Variants in SHISA6 observed in about 807,000 individuals in gnomAD.
SHISA6 encodes shisa family member 6.
SHISA6 carries 22 observed loss-of-function variants against 47.9 expected under a neutral mutation model. The ratio of observed to expected loss-of-function variants is 0.46; its 90% CI spans 0.33 to 0.66. SHISA6 has a LOEUF of 0.66. Ranked by LOEUF, SHISA6 falls within the 30% of genes least tolerant of loss-of-function variation. SHISA6 has a pLI of 0.02. For synonymous variants in SHISA6, 388 were observed against 337.8 expected (o/e 1.15, Z -1.63); for missense variants, 680 against 764.6 (o/e 0.89, Z 1.30).
At chr17:11,374,535 T>C (rs905746271) in intron 2 of SHISA6, among the ~76,000 whole-genome samples, 6 of 152,096 alleles carry the variant, frequency 3.9e-5, no homozygotes, top group African/African-American at 1.4e-4. Context: ...TATATTTGCA[T>C]GTATGTTTAT....
intron 3 of SHISA6, among the ~76,000 whole-genome samples, chr17:11,493,837 A>C (rs1253917695): frequency 6.6e-6 from 1 of 152,168 alleles, no homozygotes; most frequent in Non-Finnish European, 1.5e-5. Flanking sequence ...TGGAAAAGGA[A>C]ATGTTTTGTG....
chr17:11,452,708 C>T (rs1228077162), intron 3 of SHISA6, among the ~76,000 whole-genome samples: 4 of 45,188 alleles, frequency 8.9e-5, no homozygotes, highest in Non-Finnish European at 1.6e-4. Flanking sequence ...CTCCTCCCCT[C>T]CTTCTCCTCT....
intron 3 of SHISA6, among the ~76,000 whole-genome samples, chr17:11,541,283 C>T (rs1341626064): frequency 6.6e-6 from 1 of 152,090 alleles, no homozygotes; most frequent in Non-Finnish European, 1.5e-5. Context: ...GCTTTTGAGC[C>T]ACATCCACAC....
At chr17:11,373,150 T>C (rs1031909015) in intron 2 of SHISA6, among the ~76,000 whole-genome samples, 2 of 152,034 alleles carry the variant, frequency 1.3e-5, no homozygotes, top group African/African-American at 2.4e-5. Flanking sequence ...TTAGAAATTC[T>C]AGAGTTTTTT....
intron 3 of SHISA6, among the ~76,000 whole-genome samples, chr17:11,525,280 T>C (rs2071666245): frequency 6.6e-6 from 1 of 152,170 alleles, no homozygotes; most frequent in Non-Finnish European, 1.5e-5. Context: ...CAACCAGTCG[T>C]AGGGGAGATG....
rs918713096 is a variant in SHISA6 at position 11,251,203 on chromosome 17, T to G, written c.638+9143T>G. Among the ~76,000 whole-genome samples the G allele has an allele frequency of 3.9e-5, 6 of 152,044 alleles. 1 individual carries two copies. The highest frequency in any genetic ancestry group is 8.8e-5 in the Non-Finnish European group (6 of 68,036). ...AGCAAAGACCTACCTTCCCATGCCC[T>G]GGGACTGGTTATCATAGTGAAAGAC... On this transcript the variant is annotated intron_variant, in intron 1 of 5. Coordinates refer to ENST00000441885, the MANE Select transcript of SHISA6 (RefSeq NM_207386.4).
chr17:11,295,686 G>T (rs773701362), intron 2 of SHISA6, among the ~76,000 whole-genome samples: 1 of 152,230 alleles, frequency 6.6e-6, no homozygotes, highest in South Asian at 2.1e-4. Context: ...TCATGGGGCC[G>T]GGTGCGGTGG....
intron 3 of SHISA6, among the ~76,000 whole-genome samples, chr17:11,547,244 C>T (rs2071890885): frequency 6.6e-6 from 1 of 152,138 alleles, no homozygotes; most frequent in Non-Finnish European, 1.5e-5. Context: ...CAATTTTGTA[C>T]TCTACCAAAA....
intron 2 of SHISA6, among the ~76,000 whole-genome samples, chr17:11,300,555 A>T (rs1465701133): frequency 6.6e-6 from 1 of 152,148 alleles, no homozygotes; most frequent in Non-Finnish European, 1.5e-5. Flanking sequence ...TGGGTGTCAC[A>T]TCCAAGACAC....
intron 3 of SHISA6, among the ~76,000 whole-genome samples, chr17:11,443,877 T>TA: frequency 6.6e-6 from 1 of 152,324 alleles, no homozygotes; most frequent in Admixed American, 6.5e-5. Context: ...AATGAATGTG[T>TA]AAAAATATGC....
chr17:11,556,703 A>G (rs537600813), intron 5 of SHISA6, among the ~76,000 whole-genome samples: 2 of 152,260 alleles, frequency 1.3e-5, no homozygotes, highest in South Asian at 2.1e-4. Context: ...AGACGGGACT[A>G]TCATAACCTG....
chr17:11,277,405 A>G (rs1908964271), intron 2 of SHISA6, among the ~76,000 whole-genome samples: 1 of 152,032 alleles, frequency 6.6e-6, no homozygotes, highest in African/African-American at 2.4e-5. Flanking sequence ...ATGATAAGCA[A>G]ATCAATAATG....
At chr17:11,419,454 T>C (rs1914388984) in intron 3 of SHISA6, among the ~76,000 whole-genome samples, 2 of 152,174 alleles carry the variant, frequency 1.3e-5, no homozygotes, top group South Asian at 4.1e-4. Flanking sequence ...TTGGGGTAAT[T>C]AGAAAAAATT....
At chr17:11,382,928 CTTTTTTTTTTTTTTT>C (rs10601084) in intron 3 of SHISA6, among the ~76,000 whole-genome samples, 11 of 70,776 alleles carry the variant, frequency 1.6e-4, no homozygotes, top group African/African-American at 5.3e-4. Context: ...TCCTGTCAGC[CTTTTTTTTTTTTTTT>C]TTTTTTTTTT....
At position 11,317,038 on chromosome 17, in the gene SHISA6, T is replaced by C. The variant is rs369069117; in HGVS notation, c.799+53512T>C. ...TACCATTTCTACATTGAGAGGCTTATTGATATTTTTTTCTGGCTTAATGAC... is the reference window on the plus strand; with the variant it reads ...TACCATTTCTACATTGAGAGGCTTACTGATATTTTTTTCTGGCTTAATGAC... On this transcript the variant is annotated intron_variant, in intron 2 of 5. Transcript: ENST00000441885. Among the ~76,000 whole-genome samples, 6 of 152,168 alleles carry C rather than the reference T, an allele frequency of 3.9e-5. No individual in the cohort carries two copies. The East Asian group carries it at 5.8e-4, about 15-fold the overall frequency.
At chr17:11,364,772 CCAA>C (rs1161799143) in intron 2 of SHISA6, among the ~76,000 whole-genome samples, 1 of 152,186 alleles carries the variant, frequency 6.6e-6, no homozygotes, top group Non-Finnish European at 1.5e-5. Context: ...GAACAAACTA[CCAA>C]CAAGCTTTTC....
intron 3 of SHISA6, among the ~76,000 whole-genome samples, chr17:11,457,006 AG>A (rs1915557910): frequency 6.6e-6 from 1 of 152,060 alleles, no homozygotes; most frequent in African/African-American, 2.4e-5. Context: ...AATCTCATCC[AG>A]TTCTCTGCTG....
chr17:11,333,405 C>T (rs1911201897), intron 2 of SHISA6, among the ~76,000 whole-genome samples: 1 of 152,166 alleles, frequency 6.6e-6, no homozygotes, highest in South Asian at 2.1e-4. Flanking sequence ...GAACTTTTAC[C>T]ACCCCCTGCA....
At chr17:11,400,560 G>T (rs73282898) in intron 3 of SHISA6, among the ~76,000 whole-genome samples, 7,063 of 152,088 alleles carry the variant, frequency 0.046, 497 homozygotes, top group African/African-American at 0.15. Flanking sequence ...TGCCTCACTG[G>T]AATCCCTGCC....
Sources: gnomAD v4.1 joint callset for allele counts (sites outside exome capture counted in the v4.1 genomes callset) on GRCh38, gnomAD v4.1.1 for gene constraint, MANE v1.5 for transcripts, NCBI Gene and HGNC (gene_info 2026-07-23, HGNC 2026-07-21) for gene names.